The following AMDHD1 variants were observed in gnomAD, a reference collection of about 807,000 sequenced individuals.
The protein encoded by AMDHD1 is amidohydrolase domain containing 1.
AMDHD1 carries 45 observed loss-of-function variants against 44.1 expected under a neutral mutation model. That is an observed-to-expected ratio of 1.02 (90% CI 0.80 to 1.31). The LOEUF is 1.31. Among genes scored for constraint, AMDHD1 ranks in the 50% most tolerant of loss-of-function variants. The pLI is 0.00. For missense variants in AMDHD1, 586 were observed against 552.1 expected (o/e 1.06, Z -0.61); for synonymous variants, 206 against 205.0 (o/e 1.00, Z -0.04).
chr12:95,948,593 G>A lies in AMDHD1; in HGVS notation c.138-4124G>A, dbSNP rs61939215. On this transcript the variant is annotated intron_variant, in intron 1 of 8. Transcript: ENST00000266736. The stretch of plus-strand genomic sequence containing the variant: ...CAGCCGACCCGTCCGGGAGGTGAGG[G>A]GCGCCTCTGCCCAGCCACCACCCCG... Among the ~76,000 whole-genome samples, 106 of 83,274 alleles carry A rather than the reference G, an allele frequency of 1.3e-3. 9 individuals carry two copies. The highest frequency in any genetic ancestry group is 4.8e-3 in the African/African-American group (95 of 19,590). 54.6% of individuals were successfully genotyped at this position (83,274 alleles called of 152,430 possible). A position where few individuals can be genotyped will look rare whatever the true frequency, so the allele number is the denominator to read the frequency against.
chr12:95,961,879 G>A (rs1379662812), intron 5 of AMDHD1, among the ~76,000 whole-genome samples: 2 of 152,212 alleles, frequency 1.3e-5, no homozygotes, highest in Admixed American at 6.5e-5. Flanking sequence ...TCAAATGAGT[G>A]CCCATTACAA....
At chr12:95,956,516 C>T (rs1043621391) in intron 3 of AMDHD1, 169 bp from the exon 4 acceptor site, 3 of 869,540 alleles carry the variant, frequency 3.5e-6, no homozygotes, top group South Asian at 3.6e-5. Context: ...GTCTGGCAGA[C>T]TAGGGGCTTC....
chr12:95,949,160 G>GAAAAAAAAAAAAAAAA (rs1358481972), intron 1 of AMDHD1, among the ~76,000 whole-genome samples: 4 of 101,774 alleles, frequency 3.9e-5, no homozygotes, highest in Non-Finnish European at 6.7e-5. Context: ...AAAAAAAAAA[G>GAAAAAAAAAAAAAAAA]AAAAAAAAAA....
chr12:95,962,470 AC>A lies in AMDHD1; in HGVS notation c.930del (p.Tyr310Ter). ...GCCATCCTTCTGCCCACCACAGCCT[AC>A]ATGCTGAGGTAAGGTCGTTTCTCAC... is the stretch of plus-strand genomic sequence containing the variant. ...CSAILLPTTA[Y>X]MLRLKQPRAR... On this transcript the variant is annotated frameshift_variant, in exon 6 of 9. Coordinates refer to ENST00000266736, the MANE Select transcript of AMDHD1 (RefSeq NM_152435.3). LOFTEE classifies it high-confidence loss of function. 6.2e-7 allele frequency: 1 copy of A among 1,605,172 alleles called. No individual in the cohort carries two copies.
intron 8 of AMDHD1, 67 bp from the exon 9 acceptor site, chr12:95,967,689 T>C (rs1161780945): frequency 1.6e-6 from 2 of 1,234,698 alleles, no homozygotes; most frequent in African/African-American, 3.1e-5. Flanking sequence ...TAGCATTTAT[T>C]GATAAAGTAA....
chr12:95,957,105 C>T, intron 4 of AMDHD1, 143 bp downstream of exon 4: 4 of 1,158,412 alleles, frequency 3.5e-6, no homozygotes, highest in East Asian at 4.8e-5. Context: ...CCACTCATCC[C>T]GCAGACTCGG....
intron 1 of AMDHD1, among the ~76,000 whole-genome samples, chr12:95,944,634 C>G (rs759049322): frequency 4.4e-4 from 67 of 152,072 alleles, no homozygotes; most frequent in Non-Finnish European, 5.3e-4. Context: ...CCAGGCTGGT[C>G]TTGAACTCCT....
At chr12:95,951,971 T>G (rs2136761715) in intron 1 of AMDHD1, among the ~76,000 whole-genome samples, 1 of 152,254 alleles carries the variant, frequency 6.6e-6, no homozygotes, top group East Asian at 1.9e-4. Flanking sequence ...CCTTATATAT[T>G]CTGGTTTTTA....
chr12:95,948,105 C>T (rs1472541496), intron 1 of AMDHD1, among the ~76,000 whole-genome samples: 455 of 57,576 alleles, frequency 7.9e-3, no homozygotes, highest in Middle Eastern at 0.018. Context: ...GCCCGGCCGC[C>T]CCTACTGGGA....
In AMDHD1 at chr12:95,966,456, G is replaced by A. The variant is rs1372245131; in HGVS notation, c.1141G>A (p.Gly381Arg). The A allele has an allele frequency of 4.3e-6, 7 of 1,614,086 alleles. No homozygotes were observed. Among genetic ancestry groups the A allele is most frequent in the East Asian group, 2.2e-5 (1 of 44,902 alleles). Residue 381 changes from glycine (G) to arginine (R), a missense_variant, in exon 8 of 9, where the codon GGA becomes AGA. Transcript: ENST00000266736. ...AYALGKSHTH[G>R]SLEVGKQGDL... The stretch of plus-strand genomic sequence containing the variant: ...TGCACTGGGAAAGTCTCACACACAC[G>A]GATCGTTGGAAGTTGGCAAACAGGG...
chr12:95,960,509 T>C lies in AMDHD1; in HGVS notation c.699T>C (p.Cys233=), dbSNP rs367652571. The change falls in exon 5 of 9, where the codon TGT becomes TGC. Residue 233 remains cysteine, a synonymous_variant. Transcript: ENST00000266736. The stretch of plus-strand genomic sequence containing the variant: ...ACGTGGACAATATAGACGTATTTTG[T>C]GAGAAAGGTGTCTTTGATCTCGATT... ...EIHVDNIDVF[C]EKGVFDLDST... is the part of the protein sequence containing the mutation. 1.9e-6 allele frequency: 3 copies of C among 1,613,818 alleles called. No individual in the cohort carries two copies. In the African/African-American group the frequency reaches 4.0e-5, roughly 22 times the overall value.
At chr12:95,946,059 CTCTG>C (rs200934035) in intron 1 of AMDHD1, among the ~76,000 whole-genome samples, 13,350 of 142,474 alleles carry the variant, frequency 0.094, 941 homozygotes, top group East Asian at 0.38. Flanking sequence ...CTCTCTTTCT[CTCTG>C]TGTGTGTGTG....
At chr12:95,946,579 C>CAGGAGAGGTGTCAGATTTATCTA (rs1592819999) in intron 1 of AMDHD1, among the ~76,000 whole-genome samples, 2 of 9,230 alleles carry the variant, frequency 2.2e-4, no homozygotes, top group South Asian at 4.3e-3. Context: ...AGAGACTGCT[C>CAGGAGAGGTGTCAGATTTATCTA]CCCCTCCCCC....
At chr12:95,944,707 G>A (rs1458908724) in intron 1 of AMDHD1, among the ~76,000 whole-genome samples, 3 of 152,114 alleles carry the variant, frequency 2.0e-5, no homozygotes, top group Admixed American at 6.5e-5. Context: ...GAACCACCAC[G>A]CCCAGCTTGA....
At chr12:95,954,397 C>G (rs540660856) in intron 2 of AMDHD1, among the ~76,000 whole-genome samples, 1 of 151,784 alleles carries the variant, frequency 6.6e-6, no homozygotes, top group African/African-American at 2.4e-5. Flanking sequence ...AGTTCAAGAC[C>G]AACCTGGGCA....
chr12:95,962,071 T>C (rs557548418), intron 5 of AMDHD1, among the ~76,000 whole-genome samples: 24 of 152,152 alleles, frequency 1.6e-4, no homozygotes, highest in Non-Finnish European at 3.4e-4. Flanking sequence ...ATCCAGACTA[T>C]CCTGGCCAAC....
At position 95,956,783 on chromosome 12, in the gene AMDHD1, C is replaced by T. The variant is rs774124190; in HGVS notation, c.408C>T (p.Arg136=). The change falls in exon 4 of 9, where the codon CGC becomes CGT. Residue 136 remains arginine, a synonymous_variant. Transcript: ENST00000266736. ...AAGCCACAGAGGAGGAGCTGTTCCG[C>T]TCCTTGCAGCAACGGCTCCAGTGCA... ...TRQATEEELF[R]SLQQRLQCMM... is the part of the protein sequence containing the mutation. The T allele has an allele frequency of 6.2e-7, 1 of 1,614,234 alleles. No homozygotes were observed. Among genetic ancestry groups the T allele is most frequent in the Non-Finnish European group, 8.5e-7 (1 of 1,180,048 alleles).
At chr12:95,966,221 C>T in intron 7 of AMDHD1, 127 bp from the exon 8 acceptor site, 1 of 1,007,952 alleles carries the variant, frequency 9.9e-7, no homozygotes. Flanking sequence ...AGATTTTTCC[C>T]ATTGCAACTG....
At chr12:95,960,171 CTG>C (rs1442397684) in intron 4 of AMDHD1, among the ~76,000 whole-genome samples, 1 of 152,158 alleles carries the variant, frequency 6.6e-6, no homozygotes. Context: ...ATTTGAGTCT[CTG>C]TGCATAGGGT....
Sources: allele counts gnomAD v4.1 joint callset (sites outside exome capture counted in the v4.1 genomes callset), GRCh38; gene constraint gnomAD v4.1.1; transcripts MANE v1.5; gene names NCBI Gene and HGNC (gene_info 2026-07-23, HGNC 2026-07-21).